The following BBOF1 variants were observed in gnomAD, a reference collection of about 807,000 sequenced individuals.
BBOF1 encodes basal body-orientation factor 1.
Under a neutral mutation model 68.0 loss-of-function variants are expected in BBOF1, and 62 were observed. The observed-to-expected ratio is 0.91, with a 90% CI of 0.74 to 1.13. BBOF1 has a LOEUF of 1.13. BBOF1 is among the 50% of genes most tolerant of loss of function. The pLI is 0.00. For missense variants in BBOF1, 534 were observed against 600.1 expected, an observed-to-expected ratio of 0.89 and a Z score of 1.15; for synonymous variants, 208 against 198.8, an observed-to-expected ratio of 1.05 and a Z score of -0.39.
chr14:74,049,126 G>T (rs2060013033), intron 7 of BBOF1, among the ~76,000 whole-genome samples: 1 of 152,012 alleles, frequency 6.6e-6, no homozygotes, highest in African/African-American at 2.4e-5. Flanking sequence ...CACCCACCTT[G>T]GCCTCCCAAA....
At chr14:74,071,070 G>A, downstream of BBOF1, 1 of 996,134 alleles carries the variant, frequency 1.0e-6, no homozygotes, top group South Asian at 1.3e-5. Context: ...CAAACATGGA[G>A]GTTAAAATGA....
At chr14:74,045,929 C>T in intron 5 of BBOF1, 131 bp from the exon 6 acceptor site, 1 of 681,034 alleles carries the variant, frequency 1.5e-6, no homozygotes, top group East Asian at 3.0e-5. Flanking sequence ...AGCTTCTCCA[C>T]CAGTGCTTGG....
chr14:74,067,640 G>T, downstream of BBOF1: 1 of 1,532,812 alleles, frequency 6.5e-7, no homozygotes, highest in Non-Finnish European at 9.0e-7. Context: ...ATTAAGCAGT[G>T]GACCAGGTGT....
chr14:74,034,254 T>G, intron 4 of BBOF1, 83 bp downstream of exon 4: 3 of 882,250 alleles, frequency 3.4e-6, no homozygotes, highest in Non-Finnish European at 4.8e-6. Flanking sequence ...CATTTACTCC[T>G]GTGAGACGGC....
At chr14:74,059,733 A>G (rs2060299769) in intron 11 of BBOF1, 1 of 174,436 alleles carries the variant, frequency 5.7e-6, no homozygotes, top group Admixed American at 6.0e-5. Flanking sequence ...CATCTGAATT[A>G]ATGGCTGAAG....
At chr14:74,074,340 G>C (rs577194127) in intron 9 of BBOF1, among the ~76,000 whole-genome samples, 1 of 148,732 alleles carries the variant, frequency 6.7e-6, no homozygotes, top group Non-Finnish European at 1.5e-5. Flanking sequence ...AGGCTGGAGT[G>C]CAATGGTGCG....
exon 13 of BBOF1, chr14:74,082,804 C>G (rs570831422): frequency 1.3e-5 from 2 of 152,262 alleles, no homozygotes; most frequent in South Asian, 2.1e-4. Context: ...TCAGAAGTTT[C>G]TCCAAATGAA....
chr14:74,077,204 G>A (rs930421360), intron 9 of BBOF1, among the ~76,000 whole-genome samples: 3 of 152,160 alleles, frequency 2.0e-5, no homozygotes, highest in Admixed American at 6.6e-5. Flanking sequence ...GGTAGTAGGT[G>A]TTCAGTAAAT....
intron 11 of BBOF1, among the ~76,000 whole-genome samples, chr14:74,064,272 T>TG (rs1246365717): frequency 1.4e-5 from 2 of 147,146 alleles, no homozygotes; most frequent in African/African-American, 5.1e-5. Context: ...CACTCCAGCC[T>TG]GGGCAACAGA....
At position 74,048,023 on chromosome 14, in the gene BBOF1, A is replaced by G. The variant is rs1253550509; in HGVS notation, c.741A>G (p.Gln247=). ...AYHLKETDAL[Q]KNSQKLQESH... ...ACCTGAAGGAAACTGACGCTCTACA[A>G]AAAAACTCCCAGAAGTTGCAAGAGA... Residue 247 remains glutamine (Q), a synonymous_variant, in exon 7 of 12, where the codon CAA becomes CAG. Coordinates refer to ENST00000394009, the MANE Select transcript of BBOF1 (RefSeq NM_025057.3). 2.5e-6 allele frequency: 4 copies of G among 1,613,392 alleles called. No homozygotes were observed. Among genetic ancestry groups the G allele is most frequent in the African/African-American group, 1.3e-5 (1 of 74,926 alleles).
At chr14:74,038,435 A>C (rs1339343640) in intron 4 of BBOF1, among the ~76,000 whole-genome samples, 1 of 152,194 alleles carries the variant, frequency 6.6e-6, no homozygotes, top group Non-Finnish European at 1.5e-5. Context: ...GTTGCCACCT[A>C]GTGGAGAAAT....
At chr14:74,023,573 A>G (rs146644610) in intron 2 of BBOF1, among the ~76,000 whole-genome samples, 1 of 152,048 alleles carries the variant, frequency 6.6e-6, no homozygotes, top group Non-Finnish European at 1.5e-5. Flanking sequence ...CTTGTATCTT[A>G]TTGTACCTTA....
At chr14:74,026,385 T>C (rs945934624) in intron 2 of BBOF1, among the ~76,000 whole-genome samples, 1 of 127,354 alleles carries the variant, frequency 7.9e-6, no homozygotes, top group Non-Finnish European at 1.5e-5. Context: ...GAGGTTGCAG[T>C]GAGCCAAGAT....
chr14:74,067,450 G>T, downstream of BBOF1: 8 of 1,614,180 alleles, frequency 5.0e-6, no homozygotes, highest in South Asian at 8.8e-5. Context: ...CTCCCACAAG[G>T]ACTGCTGTTG....
downstream of BBOF1, among the ~76,000 whole-genome samples, chr14:74,069,701 C>T (rs572142897): frequency 2.6e-5 from 4 of 151,806 alleles, no homozygotes; most frequent in South Asian, 2.1e-4. Context: ...TGCAGCGAGC[C>T]GAGATTGTGC....
intron 8 of BBOF1, among the ~76,000 whole-genome samples, 184 bp downstream of exon 8, chr14:74,050,379 C>T (rs745575437): frequency 6.6e-6 from 1 of 152,082 alleles, no homozygotes; most frequent in Non-Finnish European, 1.5e-5. Flanking sequence ...GCATGTGGGG[C>T]TTTGGACGTA....
In BBOF1 at chr14:74,056,999, A is replaced by C. The variant is rs1158638228; in HGVS notation, c.1463+19A>C. 16 of 1,607,618 alleles carry C rather than the reference A, an allele frequency of 1.0e-5. No homozygotes were observed. Among genetic ancestry groups the C allele is most frequent in the Non-Finnish European group, 1.4e-5 (16 of 1,175,466 alleles). ...AATTTGGGTAAGAGCTCTCTTGCTTAAGTAATAAACATGAGCCCAACACGA... is the reference window on the plus strand; with the variant it reads ...AATTTGGGTAAGAGCTCTCTTGCTTCAGTAATAAACATGAGCCCAACACGA... On this transcript the variant is annotated intron_variant, in intron 10 of 11. Transcript: ENST00000394009.
At position 74,049,900 on chromosome 14, in the gene BBOF1, C is replaced by G; in HGVS notation, c.991C>G (p.Leu331Val). The change falls in exon 8 of 12, where the codon CTG (leucine) becomes GTG (valine). Residue 331 changes from leucine to valine, a missense_variant. Leu to Val is a conservative substitution (Grantham distance 32). Coordinates refer to ENST00000394009, the MANE Select transcript of BBOF1 (RefSeq NM_025057.3). ...NQAGQVEIDK[L>V]QHLLQMKDRE... ...AGCAGGTCAGGTAGAAATTGACAAG[C>G]TGCAGCACCTTCTTCAGATGAAGGA... 1 of 1,614,144 alleles carries G rather than the reference C, an allele frequency of 6.2e-7. No homozygotes were observed. Among genetic ancestry groups the G allele is most frequent in the Non-Finnish European group, 8.5e-7 (1 of 1,180,022 alleles).
At chr14:74,064,217 G>A (rs1355147077) in intron 11 of BBOF1, among the ~76,000 whole-genome samples, 1 of 151,136 alleles carries the variant, frequency 6.6e-6, no homozygotes, top group Non-Finnish European at 1.5e-5. Context: ...AGAAGTGCTT[G>A]AACCCAGGAG....
Sources: allele counts gnomAD v4.1 joint callset (sites outside exome capture counted in the v4.1 genomes callset), GRCh38; gene constraint gnomAD v4.1.1; transcripts MANE v1.5; gene names NCBI Gene and HGNC (gene_info 2026-07-23, HGNC 2026-07-21).